The following SNAP23 variants were observed in gnomAD, a reference collection of about 807,000 sequenced individuals.
SNAP23 encodes synaptosomal-associated protein 23.
A neutral mutation model predicts 29.0 loss-of-function variants in SNAP23; 11 were observed. The ratio of observed to expected loss-of-function variants is 0.38; its 90% CI spans 0.24 to 0.63. The LOEUF is 0.63. Ranked by LOEUF, SNAP23 falls within the 20% of genes least tolerant of loss-of-function variation. The pLI, the probability that SNAP23 is intolerant of heterozygous loss-of-function variation, is 0.58. For missense variants in SNAP23, 220 were observed against 253.9 expected, an observed-to-expected ratio of 0.87 and a Z score of 0.91; for synonymous variants, 60 against 82.9, an observed-to-expected ratio of 0.72 and a Z score of 1.50.
chr15:42,528,721 G>A (rs1186486452), intron 6 of SNAP23, among the ~76,000 whole-genome samples: 1 of 152,044 alleles, frequency 6.6e-6, no homozygotes, highest in Admixed American at 6.6e-5. Flanking sequence ...GAGTAGCTGG[G>A]ACTACAGGTG....
chr15:42,513,083 A>T (rs2057369689), intron 3 of SNAP23, 87 bp downstream of exon 3: 2 of 924,792 alleles, frequency 2.2e-6, no homozygotes, highest in Admixed American at 1.8e-5. Context: ...TTAAAGGGTA[A>T]TGTATCAATA....
chr15:42,500,812 TAGTA>T (rs1031955388), intron 1 of SNAP23, among the ~76,000 whole-genome samples: 3 of 152,208 alleles, frequency 2.0e-5, no homozygotes, highest in South Asian at 2.1e-4. Flanking sequence ...TTTTTTTAAA[TAGTA>T]AGAGTAGAAG....
intron 1 of SNAP23, among the ~76,000 whole-genome samples, chr15:42,507,062 C>T (rs1019750507): frequency 1.3e-5 from 2 of 152,144 alleles, no homozygotes; most frequent in African/African-American, 4.8e-5. Flanking sequence ...AAGCAGTCCT[C>T]CTGCCTTGGC....
intron 3 of SNAP23, 182 bp from the exon 4 acceptor site, chr15:42,513,217 A>G: frequency 1.3e-6 from 1 of 752,066 alleles, no homozygotes; most frequent in East Asian, 2.7e-5. Context: ...TGAGTTTGTG[A>G]CTTAATTATT....
chr15:42,507,194 T>C (rs531615595), intron 1 of SNAP23, among the ~76,000 whole-genome samples: 2 of 152,320 alleles, frequency 1.3e-5, no homozygotes, highest in East Asian at 3.9e-4. Context: ...CAATCTGCTC[T>C]TTACTGACAC....
At chr15:42,516,639 C>T (rs1209051600) in intron 5 of SNAP23, among the ~76,000 whole-genome samples, 2 of 152,080 alleles carry the variant, frequency 1.3e-5, no homozygotes, top group Non-Finnish European at 2.9e-5. Flanking sequence ...TCAATGTATT[C>T]ATTTTTAAAG....
intron 1 of SNAP23, among the ~76,000 whole-genome samples, chr15:42,498,760 G>T (rs1364969024): frequency 6.6e-6 from 1 of 152,104 alleles, no homozygotes; most frequent in Non-Finnish European, 1.5e-5. Flanking sequence ...CTCAGGAAAA[G>T]AAAGAAATAT....
intron 1 of SNAP23, among the ~76,000 whole-genome samples, chr15:42,504,055 C>T (rs1344344345): frequency 6.6e-6 from 1 of 151,712 alleles, no homozygotes; most frequent in African/African-American, 2.4e-5. Flanking sequence ...CCTTGCCAGG[C>T]AAAGTGGCTC....
chr15:42,516,808 G>A (rs2057400539), intron 5 of SNAP23, among the ~76,000 whole-genome samples: 1 of 152,232 alleles, frequency 6.6e-6, no homozygotes, highest in Non-Finnish European at 1.5e-5. Flanking sequence ...GTCAACTTTA[G>A]TGTTTGTTTT....
intron 5 of SNAP23, among the ~76,000 whole-genome samples, chr15:42,520,045 CTTTTTTTT>C (rs201577060): frequency 1.8e-4 from 17 of 92,980 alleles, no homozygotes; most frequent in Non-Finnish European, 2.7e-4. Flanking sequence ...AACCCCCTTG[CTTTTTTTT>C]TTTTTTTTTT....
chr15:42,526,614 T>G (rs1333333503), intron 5 of SNAP23, among the ~76,000 whole-genome samples: 1 of 152,234 alleles, frequency 6.6e-6, no homozygotes, highest in East Asian at 1.9e-4. Context: ...TTTTGCAATT[T>G]TAAAACTTCC....
At chr15:42,528,570 A>G (rs1310301493) in intron 6 of SNAP23, 150 bp downstream of exon 6, 1 of 824,526 alleles carries the variant, frequency 1.2e-6, no homozygotes, top group Non-Finnish European at 1.9e-6. Context: ...CCCACTGACA[A>G]AATGTGGGTT....
At chr15:42,513,285 C>A in intron 3 of SNAP23, 114 bp from the exon 4 acceptor site, 1 of 967,572 alleles carries the variant, frequency 1.0e-6, no homozygotes. Context: ...GTCTGTAGCT[C>A]TAATCCTCTG....
At chr15:42,525,618 C>T (rs990089335) in intron 5 of SNAP23, among the ~76,000 whole-genome samples, 1 of 151,232 alleles carries the variant, frequency 6.6e-6, no homozygotes, top group Non-Finnish European at 1.5e-5. Flanking sequence ...CGAGCGCCAC[C>T]ACACCCAGCT....
chr15:42,499,261 G>A (rs1595513432), intron 1 of SNAP23, among the ~76,000 whole-genome samples: 1 of 152,082 alleles, frequency 6.6e-6, no homozygotes, highest in African/African-American at 2.4e-5. Flanking sequence ...AGAGACGGAC[G>A]GGGTTTCTCC....
At position 42,503,975 on chromosome 15, in the gene SNAP23, TAGA is replaced by T. The variant is rs2057297272; in HGVS notation, c.-14-7855_-14-7853del. 1.3e-5 allele frequency among the ~76,000 whole-genome samples: 2 copies of T among 152,004 alleles called. 1 individual carries two copies. Among genetic ancestry groups the T allele is most frequent in the South Asian group, 4.1e-4 (2 of 4,828 alleles). On this transcript the variant is annotated intron_variant, in intron 1 of 7. Transcript: ENST00000249647. Reference sequence around the variant, plus strand: ...ATAAAAATGGTTAAAGTTGTTTGTGTAGAAGGAGATAGAAAGGAAAGCCCAGAG... The same window carrying T: ...ATAAAAATGGTTAAAGTTGTTTGTGTAGGAGATAGAAAGGAAAGCCCAGAG...
At chr15:42,515,167 A>G (rs2057388453) in intron 4 of SNAP23, 70 bp from the exon 5 acceptor site, 2 of 922,122 alleles carry the variant, frequency 2.2e-6, no homozygotes, top group Admixed American at 4.5e-5. Flanking sequence ...TTGCTGTTCC[A>G]TAATAATAGC....
At chr15:42,523,204 AG>A (rs781409389) in intron 5 of SNAP23, among the ~76,000 whole-genome samples, 4 of 152,100 alleles carry the variant, frequency 2.6e-5, no homozygotes, top group Non-Finnish European at 5.9e-5. Flanking sequence ...TTCCAGTTAA[AG>A]ACTATTAGAC....
intron 4 of SNAP23, among the ~76,000 whole-genome samples, chr15:42,514,761 G>A (rs2057385120): frequency 6.8e-6 from 1 of 147,886 alleles, no homozygotes; most frequent in Admixed American, 6.8e-5. Flanking sequence ...GGAGTTCAGT[G>A]GTGCAATCGC....
Sources: gnomAD v4.1 joint callset for allele counts (sites outside exome capture counted in the v4.1 genomes callset) on GRCh38, gnomAD v4.1.1 for gene constraint, MANE v1.5 for transcripts, NCBI Gene and HGNC (gene_info 2026-07-23, HGNC 2026-07-21) for gene names.